Variants in PACRG observed in about 807,000 individuals in gnomAD.
PACRG encodes parkin coregulated gene protein.
Under a neutral mutation model 29.7 loss-of-function variants are expected in PACRG, and 29 were observed. The ratio of observed to expected loss-of-function variants is 0.98; its 90% CI spans 0.73 to 1.33. The LOEUF is 1.33. Among genes scored for constraint, PACRG ranks in the 40% most tolerant of loss-of-function variants. The probability of loss-of-function intolerance (pLI) is 0.00; values close to 1 mark genes in which losing one functional copy is unlikely to be tolerated. For synonymous variants in PACRG, 116 were observed against 118.7 expected (o/e 0.98, Z 0.15); for missense variants, 279 against 316.2 (o/e 0.88, Z 0.89).
At chr6:163,121,621 A>G (rs192910799) in intron 4 of PACRG, among the ~76,000 whole-genome samples, 21 of 147,236 alleles carry the variant, frequency 1.4e-4, no homozygotes, top group African/African-American at 5.0e-4. Flanking sequence ...TCCTAAGTTT[A>G]TTTTAAATTT....
At chr6:162,917,983 T>C (rs1482495653) in intron 2 of PACRG, among the ~76,000 whole-genome samples, 1 of 152,184 alleles carries the variant, frequency 6.6e-6, no homozygotes, top group Non-Finnish European at 1.5e-5. Flanking sequence ...TCATCTAACT[T>C]AGTTAAATTA....
chr6:162,986,091 A>G (rs1562804413), intron 2 of PACRG, among the ~76,000 whole-genome samples: 1 of 152,176 alleles, frequency 6.6e-6, no homozygotes, highest in Admixed American at 6.6e-5. Flanking sequence ...AACACATCCC[A>G]TGCTCATGGA....
At chr6:163,243,958 G>T (rs915673653) in intron 4 of PACRG, among the ~76,000 whole-genome samples, 1 of 152,196 alleles carries the variant, frequency 6.6e-6, no homozygotes, top group African/African-American at 2.4e-5. Flanking sequence ...AGTAAGCAGA[G>T]ACTGAGCAAG....
At chr6:163,137,734 C>CA (rs1301154042) in intron 4 of PACRG, among the ~76,000 whole-genome samples, 1 of 152,232 alleles carries the variant, frequency 6.6e-6, no homozygotes, top group African/African-American at 2.4e-5. Context: ...ATTTAATCCT[C>CA]ACAGCCCTAA....
intron 4 of PACRG, among the ~76,000 whole-genome samples, chr6:163,272,340 G>A (rs1783863386): frequency 6.6e-6 from 1 of 151,990 alleles, no homozygotes; most frequent in Non-Finnish European, 1.5e-5. Flanking sequence ...CCCGGCCTGT[G>A]TATTAATTTT....
intron 2 of PACRG, among the ~76,000 whole-genome samples, chr6:162,968,187 T>C (rs1801211255): frequency 6.6e-6 from 1 of 152,224 alleles, no homozygotes; most frequent in South Asian, 2.1e-4. Context: ...TCTTCCACTG[T>C]GTTAGAACAC....
chr6:162,930,484 T>C (rs1008294806), intron 2 of PACRG, among the ~76,000 whole-genome samples: 1 of 151,890 alleles, frequency 6.6e-6, no homozygotes, highest in African/African-American at 2.4e-5. Context: ...GTTCTAATGG[T>C]TTTTTTGCAG....
intron 2 of PACRG, among the ~76,000 whole-genome samples, chr6:162,861,030 C>G (rs533049426): frequency 3.6e-4 from 54 of 152,112 alleles, no homozygotes; most frequent in African/African-American, 1.3e-3. Context: ...CTGTCAAGGC[C>G]TATCGGGGAG....
intron 4 of PACRG, chr6:163,189,602 T>C (rs1780109529): frequency 6.6e-6 from 1 of 152,236 alleles, no homozygotes; most frequent in Non-Finnish European, 1.5e-5. Flanking sequence ...TCCCGTGTTC[T>C]CTTCCATGAA....
intron 2 of PACRG, among the ~76,000 whole-genome samples, chr6:162,947,347 T>TATG (rs367628174): frequency 2.0e-5 from 1 of 51,056 alleles, no homozygotes; most frequent in Non-Finnish European, 3.8e-5. Context: ...TATATAATGA[T>TATG]TACATATATA....
At chr6:163,117,787 A>G (rs1314410849) in intron 4 of PACRG, among the ~76,000 whole-genome samples, 1 of 151,160 alleles carries the variant, frequency 6.6e-6, no homozygotes, top group Non-Finnish European at 1.5e-5. Flanking sequence ...TGAAAAAGGG[A>G]GGCAAGGTCA....
intron 4 of PACRG, among the ~76,000 whole-genome samples, chr6:163,276,004 CTTCCTTCTTTCTTTCT>C (rs1562353643): frequency 1.6e-5 from 2 of 127,878 alleles, no homozygotes; most frequent in African/African-American, 7.0e-5. Context: ...TCCTTCCTTC[CTTCCTTCTTTCTTTCT>C]TTCTTTCTTT....
At chr6:163,280,867 A>G (rs1307330737) in intron 4 of PACRG, among the ~76,000 whole-genome samples, 1 of 152,192 alleles carries the variant, frequency 6.6e-6, no homozygotes, top group East Asian at 1.9e-4. Flanking sequence ...ACTGGGGGTT[A>G]GGACTTCAAC....
chr6:163,310,602 C>T (rs1048485576), intron 4 of PACRG: 3 of 152,252 alleles, frequency 2.0e-5, no homozygotes, highest in African/African-American at 7.2e-5. Context: ...GAAGACCTCG[C>T]TCTGGCCACC....
At chr6:163,124,435 T>C (rs1025395902) in intron 4 of PACRG, among the ~76,000 whole-genome samples, 3 of 152,224 alleles carry the variant, frequency 2.0e-5, no homozygotes, top group African/African-American at 7.2e-5. Context: ...TACTGGGTCT[T>C]AAGTTGAATT....
rs35293286 is a variant in PACRG at position 162,927,809 on chromosome 6, GCAAA to G, written c.291+113549_291+113552del. 2.9e-4 allele frequency among the ~76,000 whole-genome samples: 44 copies of G among 149,764 alleles called. 1 individual carries two copies. The highest frequency in any genetic ancestry group is 1.4e-3 in the East Asian group (7 of 5,128). ...AGAACTTAAAATTAAAAAAAGCAAA[GCAAA>G]CAAACAAACAAACAAACAAAAAAAT... On this transcript the variant is annotated intron_variant, in intron 2 of 4. Coordinates refer to ENST00000366888, the MANE Select transcript of PACRG (RefSeq NM_001080379.2).
At chr6:162,863,006 G>A (rs1399221) in intron 2 of PACRG, among the ~76,000 whole-genome samples, 102,970 of 152,178 alleles carry the variant, frequency 0.68, 36,426 homozygotes, top group African/African-American at 0.9. Context: ...TCCTGTTTAT[G>A]AGCCCAAGTC....
intron 4 of PACRG, among the ~76,000 whole-genome samples, chr6:163,299,276 C>A (rs932363363): frequency 6.6e-6 from 1 of 152,330 alleles, no homozygotes; most frequent in East Asian, 1.9e-4. Flanking sequence ...CAAACAGACA[C>A]TGATCTAAGC....
At chr6:163,303,125 G>A (rs1334610214) in intron 4 of PACRG, among the ~76,000 whole-genome samples, 1 of 152,068 alleles carries the variant, frequency 6.6e-6, no homozygotes, top group Non-Finnish European at 1.5e-5. Flanking sequence ...AAGTCGAGAC[G>A]TTCGAGATCA....
Sources: gnomAD v4.1 joint callset for allele counts (sites outside exome capture counted in the v4.1 genomes callset) on GRCh38, gnomAD v4.1.1 for gene constraint, MANE v1.5 for transcripts, NCBI Gene and HGNC (gene_info 2026-07-23, HGNC 2026-07-21) for gene names.